Variants in CADM2 observed in about 807,000 individuals in gnomAD.
CADM2 encodes immunoglobulin superfamily member 4D.
CADM2 carries 12 observed loss-of-function variants against 49.8 expected under a neutral mutation model. The observed-to-expected ratio is 0.24, with a 90% CI of 0.15 to 0.39. The LOEUF is 0.39. CADM2 is among the 10% of genes least tolerant of loss of function. CADM2 has a pLI of 1.00. For missense variants in CADM2, 378 were observed against 492.3 expected, an observed-to-expected ratio of 0.77 and a Z score of 2.20; for synonymous variants, 214 against 175.4, an observed-to-expected ratio of 1.22 and a Z score of -1.74.
intron 1 of CADM2, among the ~76,000 whole-genome samples, chr3:85,515,261 T>C (rs1469458892): frequency 6.6e-6 from 1 of 152,100 alleles, no homozygotes; most frequent in Admixed American, 6.5e-5. Flanking sequence ...TAAGATCAGT[T>C]AACAAATGTA....
chr3:85,024,612 T>C (rs1001516074), intron 1 of CADM2, among the ~76,000 whole-genome samples: 1 of 151,936 alleles, frequency 6.6e-6, no homozygotes, highest in African/African-American at 2.4e-5. Flanking sequence ...ATTTATGAGA[T>C]GTTACTATGA....
intron 1 of CADM2, among the ~76,000 whole-genome samples, chr3:85,148,220 C>T (rs962518804): frequency 6.6e-6 from 1 of 152,106 alleles, no homozygotes; most frequent in African/African-American, 2.4e-5. Context: ...GAGCCCTCTC[C>T]AAATCCAAAG....
At chr3:85,928,913 T>C (rs546025638) in intron 6 of CADM2, among the ~76,000 whole-genome samples, 1 of 152,146 alleles carries the variant, frequency 6.6e-6, no homozygotes, top group Non-Finnish European at 1.5e-5. Context: ...ATTACAAATA[T>C]ACATTATGTA....
In CADM2 at chr3:85,983,610, T is replaced by G. The variant is rs190841980; in HGVS notation, c.970+21963T>G. ...ACAAACATGTTTACCAGCAGTTGTATCATACCATTAATGAAATGGTAGATT... is the reference window on the plus strand; with the variant it reads ...ACAAACATGTTTACCAGCAGTTGTAGCATACCATTAATGAAATGGTAGATT... On this transcript the variant is annotated intron_variant, in intron 8 of 9. Transcript: ENST00000383699. Among the ~76,000 whole-genome samples the G allele has an allele frequency of 1.5e-4, 23 of 151,890 alleles. No homozygotes were observed. The East Asian group carries it at 4.5e-3, about 29-fold the overall frequency.
chr3:85,812,781 T>C (rs1291865005), intron 3 of CADM2, among the ~76,000 whole-genome samples: 1 of 152,138 alleles, frequency 6.6e-6, no homozygotes, highest in Admixed American at 6.6e-5. Flanking sequence ...CTACCACTTA[T>C]GAGTGAGAAC....
At chr3:85,552,366 G>GTGTTTTTTTT (rs2061828186) in intron 1 of CADM2, among the ~76,000 whole-genome samples, 26 of 87,568 alleles carry the variant, frequency 3.0e-4, no homozygotes, top group Admixed American at 1.1e-3. Flanking sequence ...ACTTTGAAAA[G>GTGTTTTTTTT]TTTTTTTTTT....
chr3:85,602,821 G>GC (rs2063446148), intron 1 of CADM2, among the ~76,000 whole-genome samples: 1 of 151,796 alleles, frequency 6.6e-6, no homozygotes, highest in South Asian at 2.1e-4. Context: ...AGTACAATTT[G>GC]CATTTGACCC....
intron 1 of CADM2, among the ~76,000 whole-genome samples, chr3:85,583,876 G>T (rs955614293): frequency 6.6e-6 from 1 of 151,814 alleles, no homozygotes; most frequent in Non-Finnish European, 1.5e-5. Context: ...ATGAAATATT[G>T]CAATTTTGAA....
At chr3:85,250,856 T>C (rs1280130272) in intron 1 of CADM2, among the ~76,000 whole-genome samples, 1 of 151,740 alleles carries the variant, frequency 6.6e-6, no homozygotes, top group Non-Finnish European at 1.5e-5. Flanking sequence ...ATTTAATATA[T>C]TGAGTTCATA....
intron 1 of CADM2, among the ~76,000 whole-genome samples, chr3:85,571,508 T>C (rs916609940): frequency 2.0e-5 from 3 of 152,098 alleles, no homozygotes; most frequent in Admixed American, 6.6e-5. Flanking sequence ...TATTTAATTA[T>C]TGGATAAAAA....
chr3:85,795,396 G>A (rs1250627879), intron 2 of CADM2, among the ~76,000 whole-genome samples: 2 of 152,092 alleles, frequency 1.3e-5, no homozygotes, highest in East Asian at 3.9e-4. Context: ...TATCCCAAGG[G>A]CATTTAGGAT....
At chr3:85,942,657 C>T (rs1193376033) in intron 7 of CADM2, among the ~76,000 whole-genome samples, 2 of 151,840 alleles carry the variant, frequency 1.3e-5, no homozygotes, top group African/African-American at 2.4e-5. Context: ...CTACAAAGGA[C>T]ATGAACTCAT....
chr3:85,175,919 CTTTTTT>C (rs11329456), intron 1 of CADM2, among the ~76,000 whole-genome samples: 59 of 76,266 alleles, frequency 7.7e-4, no homozygotes, highest in African/African-American at 3.4e-3. Context: ...ATGTCCTAAT[CTTTTTT>C]TTTTTTTTTT....
In CADM2 at chr3:85,855,617, A is replaced by ATATATAT. The variant is rs374763892; in HGVS notation, c.239-27674_239-27673insTATATAT. On this transcript the variant is annotated intron_variant, in intron 3 of 9. Coordinates refer to ENST00000383699, the MANE Select transcript of CADM2 (RefSeq NM_001167675.2). ...ATATATAAAACATATATATATATATAAAACATATATATATATATATATATT... is the reference window on the plus strand; with the variant it reads ...ATATATAAAACATATATATATATATATATATATAAACATATATATATATATATATATT... Among the ~76,000 whole-genome samples the ATATATAT allele has an allele frequency of 3.8e-3, 159 of 42,398 alleles. 5 individuals are homozygous for ATATATAT. The highest frequency in any genetic ancestry group is 9.6e-3 in the Middle Eastern group (1 of 104). The allele number at this position is 42,398 out of a possible 152,430, so 27.8% of individuals were successfully genotyped here.
chr3:85,544,395 G>T (rs1198418582), intron 1 of CADM2, among the ~76,000 whole-genome samples: 1 of 152,046 alleles, frequency 6.6e-6, no homozygotes, highest in Admixed American at 6.5e-5. Flanking sequence ...TGGCTAACAC[G>T]GTGAAACCCC....
At chr3:85,915,836 G>T (rs1424349081) in intron 6 of CADM2, among the ~76,000 whole-genome samples, 1 of 152,108 alleles carries the variant, frequency 6.6e-6, no homozygotes, top group East Asian at 1.9e-4. Flanking sequence ...CCACAGAGAT[G>T]ATATTGTTTT....
chr3:85,704,832 AC>A (rs1374063823), intron 1 of CADM2, among the ~76,000 whole-genome samples: 4 of 151,112 alleles, frequency 2.6e-5, no homozygotes, highest in African/African-American at 9.7e-5. Context: ...AATTATTTAA[AC>A]CCCCTTCTCT....
intron 3 of CADM2, among the ~76,000 whole-genome samples, chr3:85,837,574 G>A (rs150807454): frequency 7.9e-4 from 119 of 151,458 alleles, no homozygotes; most frequent in African/African-American, 2.9e-3. Context: ...GTTATGTCTC[G>A]TCATCATTCT....
At chr3:85,247,172 C>T (rs139781763) in intron 1 of CADM2, among the ~76,000 whole-genome samples, 1 of 151,936 alleles carries the variant, frequency 6.6e-6, no homozygotes, top group Non-Finnish European at 1.5e-5. Flanking sequence ...CTGAAAAGGG[C>T]ATAGTGTAGA....
Sources: allele counts gnomAD v4.1 joint callset (sites outside exome capture counted in the v4.1 genomes callset), GRCh38; gene constraint gnomAD v4.1.1; transcripts MANE v1.5; gene names NCBI Gene and HGNC (gene_info 2026-07-23, HGNC 2026-07-21).